The following COL26A1 variants were observed in gnomAD, a reference collection of about 807,000 sequenced individuals.
The protein encoded by COL26A1 is collagen type XXVI alpha 1 chain.
COL26A1 carries 41 observed loss-of-function variants against 59.3 expected under a neutral mutation model. That is an observed-to-expected ratio of 0.69 (90% CI 0.54 to 0.90). The LOEUF is 0.90. COL26A1 is among the 40% of genes least tolerant of loss of function. COL26A1 has a pLI of 0.00. For missense variants in COL26A1, 612 were observed against 602.3 expected (o/e 1.02, Z -0.17); for synonymous variants, 266 against 256.0 (o/e 1.04, Z -0.37).
chr7:101,457,999 C>T (rs890445708), intron 3 of COL26A1, among the ~76,000 whole-genome samples: 10 of 150,698 alleles, frequency 6.6e-5, no homozygotes, highest in African/African-American at 2.0e-4. Context: ...TGGGTTCAAG[C>T]GATTCTCCTG....
At chr7:101,472,352 C>T (rs936489964) in intron 3 of COL26A1, among the ~76,000 whole-genome samples, 6 of 152,290 alleles carry the variant, frequency 3.9e-5, no homozygotes, top group Non-Finnish European at 8.8e-5. Flanking sequence ...CTTAAGATAT[C>T]AGGGCATCAG....
chr7:101,519,486 C>G (rs1584481164), intron 3 of COL26A1, among the ~76,000 whole-genome samples: 1 of 152,174 alleles, frequency 6.6e-6, no homozygotes, highest in African/African-American at 2.4e-5. Flanking sequence ...GGAGAGGCTG[C>G]CGGGCCCTGC....
At chr7:101,526,334 C>A (rs946072878) in intron 3 of COL26A1, among the ~76,000 whole-genome samples, 12 of 152,198 alleles carry the variant, frequency 7.9e-5, no homozygotes, top group Non-Finnish European at 1.8e-4. Context: ...TAAGCATAAG[C>A]CACTGCTCCC....
intron 1 of COL26A1, among the ~76,000 whole-genome samples, chr7:101,393,011 T>G (rs1791770448): frequency 6.6e-6 from 1 of 151,480 alleles, no homozygotes. Flanking sequence ...TTTTTGTTTT[T>G]TTTTTTTTTG....
intron 1 of COL26A1, among the ~76,000 whole-genome samples, chr7:101,395,840 G>A (rs930606312): frequency 3.3e-5 from 5 of 152,210 alleles, no homozygotes; most frequent in African/African-American, 1.2e-4. Flanking sequence ...GGGCAGCTCA[G>A]GTATCTCTGG....
intron 10 of COL26A1, among the ~76,000 whole-genome samples, chr7:101,552,731 AC>A (rs1288908501): frequency 6.6e-6 from 1 of 152,018 alleles, no homozygotes; most frequent in Non-Finnish European, 1.5e-5. Flanking sequence ...ACATGGTGAA[AC>A]CCCGTCTCTA....
chr7:101,387,770 A>ATTTTTTTTTTTTTTTT (rs1304839639), intron 1 of COL26A1, among the ~76,000 whole-genome samples: 28 of 36,518 alleles, frequency 7.7e-4, no homozygotes, highest in Non-Finnish European at 1.7e-3. Context: ...ATATATATAT[A>ATTTTTTTTTTTTTTTT]TATATATATT....
chr7:101,452,085 G>A (rs1282233550), intron 3 of COL26A1, among the ~76,000 whole-genome samples: 2 of 152,168 alleles, frequency 1.3e-5, no homozygotes, highest in Non-Finnish European at 2.9e-5. Context: ...CATAGTGAGC[G>A]GTAACTCAAA....
intron 3 of COL26A1, among the ~76,000 whole-genome samples, chr7:101,449,236 G>T (rs938891985): frequency 2.0e-5 from 3 of 152,204 alleles, no homozygotes; most frequent in African/African-American, 7.2e-5. Flanking sequence ...ATAATGCTAT[G>T]GTGTTGAACG....
chr7:101,540,715 A>C (rs1795597162), intron 5 of COL26A1, among the ~76,000 whole-genome samples: 1 of 151,854 alleles, frequency 6.6e-6, no homozygotes, highest in Non-Finnish European at 1.5e-5. Flanking sequence ...TTAGCCCAGC[A>C]TGATTAATCC....
intron 1 of COL26A1, among the ~76,000 whole-genome samples, chr7:101,374,183 C>G (rs1040759710): frequency 6.6e-6 from 1 of 152,178 alleles, no homozygotes; most frequent in Non-Finnish European, 1.5e-5. Flanking sequence ...CTACCTGCCT[C>G]CCAGAAACCA....
At chr7:101,450,857 A>G (rs1221069906) in intron 3 of COL26A1, among the ~76,000 whole-genome samples, 1 of 134,244 alleles carries the variant, frequency 7.4e-6, no homozygotes. Context: ...TGAATATGGA[A>G]TGTAGAATGA....
intron 3 of COL26A1, among the ~76,000 whole-genome samples, chr7:101,524,530 A>G (rs1250367175): frequency 1.3e-5 from 2 of 151,832 alleles, no homozygotes; most frequent in East Asian, 1.9e-4. Context: ...ACCAGCTGCA[A>G]TTTTTACTGG....
intron 1 of COL26A1, among the ~76,000 whole-genome samples, chr7:101,380,978 A>G (rs1791433962): frequency 6.6e-6 from 1 of 152,174 alleles, no homozygotes; most frequent in Non-Finnish European, 1.5e-5. Flanking sequence ...GTTCTCTGTC[A>G]TCCTTGCCTG....
At chr7:101,549,514 G>A (rs975977315) in intron 9 of COL26A1, among the ~76,000 whole-genome samples, 9 of 152,020 alleles carry the variant, frequency 5.9e-5, no homozygotes, top group Non-Finnish European at 1.0e-4. Context: ...CGGATTAGCC[G>A]GGACCACAGG....
chr7:101,489,706 T>TTTCTTTTTCTTTCG (rs1794366082), intron 3 of COL26A1, among the ~76,000 whole-genome samples: 1 of 104,172 alleles, frequency 9.6e-6, no homozygotes, highest in South Asian at 3.0e-4. Context: ...TCTGTCTTTC[T>TTTCTTTTTCTTTCG]TTCTTTCATT....
rs896672033 is a variant in COL26A1 at position 101,477,659 on chromosome 7, A to G, written c.385+29872A>G. 7.2e-5 allele frequency among the ~76,000 whole-genome samples: 11 copies of G among 152,190 alleles called. No homozygotes were observed. In the South Asian group the frequency reaches 1.2e-3, roughly 17 times the overall value. The stretch of plus-strand genomic sequence containing the variant: ...TATTCTTCAGTCATGAGATTCCCCC[A>G]TTTTTTCTCTCCTAAGAATAAGCCT... On this transcript the variant is annotated intron_variant, in intron 3 of 12. Transcript: ENST00000313669.
chr7:101,478,923 T>C (rs976373956), intron 3 of COL26A1, among the ~76,000 whole-genome samples: 3 of 152,258 alleles, frequency 2.0e-5, no homozygotes, highest in Admixed American at 6.5e-5. Context: ...GTAAGATCTA[T>C]ACATATTGAC....
At position 101,362,955 on chromosome 7, in the gene COL26A1, G is replaced by A; in HGVS notation, c.-78G>A. 1.4e-6 allele frequency: 2 copies of A among 1,430,016 alleles called. No homozygotes were observed. Among genetic ancestry groups the A allele is most frequent in the Non-Finnish European group, 1.8e-6 (2 of 1,082,042 alleles). The allele number at this position is 1,430,016 out of a possible 1,614,324, so 88.6% of individuals were successfully genotyped here. ...TCGCTGTGCTCCCGGCCGGTGCCGC[G>A]GGTTCGGTCCGGGCGCCGGTGCGCT... is the stretch of plus-strand genomic sequence containing the variant. On this transcript the variant is annotated 5_prime_UTR_variant, in exon 1 of 13. Coordinates refer to ENST00000313669, the MANE Select transcript of COL26A1 (RefSeq NM_001278563.3).
Sources: allele counts gnomAD v4.1 joint callset (sites outside exome capture counted in the v4.1 genomes callset), GRCh38; gene constraint gnomAD v4.1.1; transcripts MANE v1.5; gene names NCBI Gene and HGNC (gene_info 2026-07-23, HGNC 2026-07-21).